Variants in RNF169 observed in about 807,000 individuals in gnomAD.
The protein encoded by RNF169 is ring finger protein 169.
In RNF169, 24 loss-of-function variants were observed where a neutral mutation model predicts 53.9. The observed-to-expected ratio is 0.45, with a 90% CI of 0.32 to 0.63. The LOEUF (loss-of-function observed/expected upper bound fraction) is 0.63, where lower values mean the gene tolerates loss of function less well. Ranked by LOEUF, RNF169 falls within the 20% of genes least tolerant of loss-of-function variation. RNF169 has a pLI of 0.04. For synonymous variants in RNF169, 396 were observed against 363.5 expected (o/e 1.09, Z -1.02); for missense variants, 883 against 906.2 (o/e 0.97, Z 0.33).
At chr11:74,835,435 A>G (rs2036238235) in intron 5 of RNF169, 111 bp from the exon 6 acceptor site, 2 of 769,940 alleles carry the variant, frequency 2.6e-6, no homozygotes, top group Non-Finnish European at 4.3e-6. Context: ...ATTACCCTTC[A>G]TCCCTTTTCT....
At position 74,776,436 on chromosome 11, in the gene RNF169, A is replaced by G. The variant is rs533147188; in HGVS notation, c.503-13190A>G. 2.0e-5 allele frequency among the ~76,000 whole-genome samples: 3 copies of G among 149,044 alleles called. No individual in the cohort carries two copies. In the South Asian group the frequency reaches 6.3e-4, roughly 31 times the overall value. ...AAGAAAAACTTTACAAAATTCAGCT[A>G]CCTTCAGAAAACGAATTCTTTAAAA... On this transcript the variant is annotated intron_variant, in intron 1 of 5. Transcript: ENST00000299563.
rs1252773763 is a variant in RNF169, at chr11:74,839,460, G to A, written c.*2730G>A. On this transcript the variant is annotated 3_prime_UTR_variant, in exon 6 of 6. Transcript: ENST00000299563. ...CGATATGTTGATGTGTATTATTTGG[G>A]GGAACAGAAAAGGACAAGGAAGGAA... 1 of 152,146 alleles carries A rather than the reference G, an allele frequency of 6.6e-6. No individual in the cohort carries two copies. Among genetic ancestry groups the A allele is most frequent in the African/African-American group, 2.4e-5 (1 of 41,440 alleles). The allele number at this position is 152,146 out of a possible 1,614,324, so 9.4% of individuals were successfully genotyped here. A position where few individuals can be genotyped will look rare whatever the true frequency, so the allele number is the denominator to read the frequency against.
intron 1 of RNF169, among the ~76,000 whole-genome samples, chr11:74,786,489 T>C (rs560966751): frequency 3.9e-5 from 6 of 152,174 alleles, no homozygotes; most frequent in African/African-American, 1.2e-4. Flanking sequence ...TCTCGAACAT[T>C]TGACCTCAAG....
At position 74,835,713 on chromosome 11, in the gene RNF169, G is replaced by C. The variant is rs1364841393; in HGVS notation, c.1110G>C (p.Glu370Asp). 2.2e-5 allele frequency: 36 copies of C among 1,614,128 alleles called. No individual in the cohort carries two copies. The highest frequency in any genetic ancestry group is 3.0e-5 in the Non-Finnish European group (35 of 1,180,024). Residue 370 changes from glutamate to aspartate, a missense_variant, in exon 6 of 6, where the codon GAG becomes GAC. Around this residue, in one of 3 missense-constraint regions of RNF169, gnomAD observed 219 missense variants for 289.1 expected, o/e 0.76. Coordinates refer to ENST00000299563, the MANE Select transcript of RNF169 (RefSeq NM_001098638.2). ...LHKPERSVSP[E>D]SNDSISEELN... ...AGCCAGAGCGTTCTGTCAGCCCTGA[G>C]AGCAATGACAGCATCTCCGAAGAAC... is the stretch of plus-strand genomic sequence containing the variant.
intron 4 of RNF169, 71 bp downstream of exon 4, chr11:74,817,785 G>A: frequency 1.1e-6 from 1 of 948,722 alleles, no homozygotes; most frequent in Non-Finnish European, 1.7e-6. Context: ...GACTGGGGGA[G>A]CAAAGGTATT....
intron 2 of RNF169, among the ~76,000 whole-genome samples, chr11:74,792,938 A>G (rs1406839770): frequency 6.6e-6 from 1 of 152,240 alleles, no homozygotes; most frequent in Non-Finnish European, 1.5e-5. Flanking sequence ...ACCCACCCCA[A>G]GTACCCAAGT....
In RNF169 at chr11:74,825,155, A is replaced by C. The variant is rs565477618; in HGVS notation, c.842+7441A>C. Among the ~76,000 whole-genome samples the C allele has an allele frequency of 9.6e-4, 146 of 152,280 alleles. 3 individuals are homozygous for C. The highest frequency in any genetic ancestry group is 3.1e-4 in the Non-Finnish European group (21 of 68,010). On this transcript the variant is annotated intron_variant, in intron 4 of 5. Transcript: ENST00000299563. ...TAAAAGGATCAACTCAACAAGAAGA[A>C]TTCTTCTCAAGTGCACATGGAACAT...
At chr11:74,824,483 A>C (rs1400966859) in intron 4 of RNF169, among the ~76,000 whole-genome samples, 1 of 152,222 alleles carries the variant, frequency 6.6e-6, no homozygotes, top group African/African-American at 2.4e-5. Context: ...ATCAAATTTA[A>C]TGAAAGACAT....
Position 74,839,461 on chromosome 11 carries a change from G to A in RNF169, c.*2731G>A, listed in dbSNP as rs536756810. 2 of 152,288 alleles carry A rather than the reference G, an allele frequency of 1.3e-5. No homozygotes were observed. Among genetic ancestry groups the A allele is most frequent in the African/African-American group, 4.8e-5 (2 of 41,560 alleles). The allele number at this position is 152,288 out of a possible 1,614,324, so 9.4% of individuals were successfully genotyped here. ...GATATGTTGATGTGTATTATTTGGG[G>A]GAACAGAAAAGGACAAGGAAGGAAA... On this transcript the variant is annotated 3_prime_UTR_variant, in exon 6 of 6. Transcript: ENST00000299563.
At chr11:74,778,585 G>A (rs565646383) in intron 1 of RNF169, among the ~76,000 whole-genome samples, 1 of 152,330 alleles carries the variant, frequency 6.6e-6, no homozygotes, top group South Asian at 2.1e-4. Flanking sequence ...AGTTTTCCTG[G>A]GGGCTTTACA....
At chr11:74,755,649 C>T (rs2034970651) in intron 1 of RNF169, among the ~76,000 whole-genome samples, 1 of 152,180 alleles carries the variant, frequency 6.6e-6, no homozygotes, top group South Asian at 2.1e-4. Flanking sequence ...GGCTGACTGA[C>T]AATTTGCAGG....
intron 1 of RNF169, among the ~76,000 whole-genome samples, chr11:74,782,516 C>T (rs148706943): frequency 3.1e-3 from 472 of 152,194 alleles, no homozygotes; most frequent in Non-Finnish European, 5.4e-3. Context: ...AGTTTCATCT[C>T]AACCATCTGC....
At chr11:74,751,778 T>C (rs2436762) in intron 1 of RNF169, among the ~76,000 whole-genome samples, 27,699 of 152,156 alleles carry the variant, frequency 0.18, 2,769 homozygotes, top group South Asian at 0.38. Context: ...GTTGAAAAAT[T>C]TTAGAATACA....
chr11:74,775,535 T>C (rs534221928), intron 1 of RNF169, among the ~76,000 whole-genome samples: 2 of 152,106 alleles, frequency 1.3e-5, no homozygotes, highest in Non-Finnish European at 2.9e-5. Flanking sequence ...GTTTTTTTTT[T>C]CCTTCCCCAA....
intron 1 of RNF169, among the ~76,000 whole-genome samples, chr11:74,775,853 T>A (rs2035325784): frequency 6.6e-6 from 1 of 152,228 alleles, no homozygotes; most frequent in Non-Finnish European, 1.5e-5. Flanking sequence ...CTCTTTGAGG[T>A]CAGGGATTAT....
At chr11:74,750,874 T>TG (rs796876051) in intron 1 of RNF169, among the ~76,000 whole-genome samples, 9 of 122,296 alleles carry the variant, frequency 7.4e-5, no homozygotes, top group African/African-American at 2.8e-4. Flanking sequence ...GGTTTTTTTT[T>TG]TTTTTTTTTT....
At chr11:74,785,302 GAT>G (rs919297365) in intron 1 of RNF169, among the ~76,000 whole-genome samples, 47 of 140,730 alleles carry the variant, frequency 3.3e-4, no homozygotes, top group African/African-American at 5.3e-4. Context: ...ATATATTAGA[GAT>G]ATATATATAT....
rs569882113 is a variant in RNF169 at position 74,837,610 on chromosome 11, G to A, written c.*880G>A. The A allele has an allele frequency of 6.6e-6, 1 of 152,252 alleles. No homozygotes were observed. Among genetic ancestry groups the A allele is most frequent in the Non-Finnish European group, 1.5e-5 (1 of 68,040 alleles). The allele number at this position is 152,252 out of a possible 1,614,324, so 9.4% of individuals were successfully genotyped here. On this transcript the variant is annotated 3_prime_UTR_variant, in exon 6 of 6. Transcript: ENST00000299563. ...CATTATCCCCATCCCCCACAGTTTA[G>A]AGCCTTCTGCTTTTCTGGGGGTTTC...
chr11:74,805,787 AT>A (rs1055697462), intron 2 of RNF169, among the ~76,000 whole-genome samples: 13 of 149,886 alleles, frequency 8.7e-5, no homozygotes, highest in South Asian at 4.2e-4. Context: ...CTATATGCAC[AT>A]TTTTTTTTTC....
Sources: allele counts gnomAD v4.1 joint callset (sites outside exome capture counted in the v4.1 genomes callset), GRCh38; gene constraint gnomAD v4.1.1; regional missense constraint gnomAD v4.1.1; transcripts MANE v1.5; gene names NCBI Gene and HGNC (gene_info 2026-07-23, HGNC 2026-07-21).